Variants in RNF152 observed in about 807,000 individuals in gnomAD.
RNF152 encodes E3 ubiquitin-protein ligase RNF152.
In RNF152, 11 loss-of-function variants were observed where a neutral mutation model predicts 12.7. The observed-to-expected ratio is 0.86, with a 90% confidence interval of 0.54 to 1.43. RNF152 has a LOEUF of 1.43. RNF152 is among the 40% of genes most tolerant of loss of function. RNF152 has a pLI of 0.00. For missense variants in RNF152, 255 were observed against 274.8 expected, an observed-to-expected ratio of 0.93 and a Z score of 0.51; for synonymous variants, 113 against 120.3, an observed-to-expected ratio of 0.94 and a Z score of 0.40.
intron 1 of RNF152, among the ~76,000 whole-genome samples, chr18:61,885,553 C>T (rs985271949): frequency 4.6e-5 from 7 of 152,146 alleles, no homozygotes; most frequent in African/African-American, 1.7e-4. Context: ...AGTAATCCAC[C>T]CGCCTCAGCC....
chr18:61,831,851 C>T (rs1457724852), intron 1 of RNF152, among the ~76,000 whole-genome samples: 1 of 151,772 alleles, frequency 6.6e-6, no homozygotes. Context: ...CAATTTACTT[C>T]CAGAACATTT....
At chr18:61,851,609 T>TA (rs1197124330) in intron 1 of RNF152, among the ~76,000 whole-genome samples, 1 of 152,158 alleles carries the variant, frequency 6.6e-6, no homozygotes, top group East Asian at 1.9e-4. Flanking sequence ...CCCCACACAG[T>TA]AAGTTTCAGA....
intron 1 of RNF152, among the ~76,000 whole-genome samples, chr18:61,833,849 T>C (rs1429592028): frequency 6.6e-6 from 1 of 151,998 alleles, no homozygotes; most frequent in Non-Finnish European, 1.5e-5. Flanking sequence ...CTCTCAATTA[T>C]AGCTACTTTC....
intron 1 of RNF152, among the ~76,000 whole-genome samples, chr18:61,838,631 G>A (rs1000494829): frequency 2.0e-5 from 3 of 152,098 alleles, no homozygotes; most frequent in East Asian, 1.9e-4. Flanking sequence ...AGCCACAGAC[G>A]GTCCCCAGAC....
intron 1 of RNF152, among the ~76,000 whole-genome samples, chr18:61,851,091 A>T (rs891745829): frequency 1.0e-4 from 11 of 107,360 alleles, no homozygotes; most frequent in East Asian, 2.4e-4. Context: ...CACAATGATT[A>T]AAAAAAAAAA....
chr18:61,836,328 A>G (rs1910182471), intron 1 of RNF152, among the ~76,000 whole-genome samples: 1 of 152,092 alleles, frequency 6.6e-6, no homozygotes, highest in Non-Finnish European at 1.5e-5. Flanking sequence ...AAAAAGTGCT[A>G]TAGGCCGAAT....
intron 1 of RNF152, among the ~76,000 whole-genome samples, chr18:61,887,605 C>T (rs1434165747): frequency 6.7e-6 from 1 of 149,470 alleles, no homozygotes; most frequent in Non-Finnish European, 1.5e-5. Context: ...GAGGCTGAGG[C>T]AGGAGAATAG....
chr18:61,824,522 T>C (rs1909571388), intron 1 of RNF152, among the ~76,000 whole-genome samples: 2 of 152,214 alleles, frequency 1.3e-5, no homozygotes, highest in Admixed American at 6.5e-5. Flanking sequence ...ATAAACTACT[T>C]AGAAATTTCT....
intron 1 of RNF152, among the ~76,000 whole-genome samples, chr18:61,865,125 T>A (rs1187327975): frequency 2.6e-5 from 4 of 152,162 alleles, no homozygotes; most frequent in Admixed American, 2.6e-4. Flanking sequence ...AAATGGAGGA[T>A]GAAAACCAAA....
chr18:61,870,311 TG>T (rs1911934680), intron 1 of RNF152, among the ~76,000 whole-genome samples: 1 of 151,838 alleles, frequency 6.6e-6, no homozygotes, highest in South Asian at 2.1e-4. Flanking sequence ...CCTCTGAGGG[TG>T]GGATTGATTA....
intron 1 of RNF152, among the ~76,000 whole-genome samples, chr18:61,875,478 T>C (rs1259440693): frequency 2.0e-5 from 3 of 152,154 alleles, no homozygotes; most frequent in Non-Finnish European, 4.4e-5. Context: ...TTCAGACCTA[T>C]GCCTTTACAT....
chr18:61,870,927 G>A (rs959796675), intron 1 of RNF152, among the ~76,000 whole-genome samples: 6 of 152,088 alleles, frequency 3.9e-5, no homozygotes, highest in Non-Finnish European at 8.8e-5. Context: ...TCTAGATAAT[G>A]TGCTACCTTA....
At chr18:61,837,227 A>G (rs572200549) in intron 1 of RNF152, among the ~76,000 whole-genome samples, 12 of 152,258 alleles carry the variant, frequency 7.9e-5, no homozygotes, top group Non-Finnish European at 1.8e-4. Flanking sequence ...AACAAAAAGC[A>G]ACGAGATTGT....
intron 1 of RNF152, among the ~76,000 whole-genome samples, chr18:61,839,648 C>A (rs899012138): frequency 2.6e-5 from 4 of 152,154 alleles, no homozygotes; most frequent in African/African-American, 9.7e-5. Flanking sequence ...GTAATCCCAG[C>A]ACTTTGGGAG....
In RNF152 at chr18:61,893,004, G is replaced by C. The variant is rs927166100; in HGVS notation, c.-345C>G. On this transcript the variant is annotated 5_prime_UTR_variant, in exon 1 of 2. Coordinates refer to ENST00000312828, the MANE Select transcript of RNF152 (RefSeq NM_173557.3). The stretch of plus-strand genomic sequence containing the variant: ...CCTCCTGGGCAGACGGGGCTGGAGC[G>C]GGTGCACTAGGGAGGTGGAGCAAGG... 1 of 152,552 alleles carries C rather than the reference G, an allele frequency of 6.6e-6. No individual in the cohort carries two copies. The highest frequency in any genetic ancestry group is 2.4e-5 in the African/African-American group (1 of 41,446). The allele number at this position is 152,552 out of a possible 1,614,324, so 9.4% of individuals were successfully genotyped here. A position where few individuals can be genotyped will look rare whatever the true frequency, so the allele number is the denominator to read the frequency against.
chr18:61,842,433 C>G (rs1002677468), intron 1 of RNF152, among the ~76,000 whole-genome samples: 1 of 152,198 alleles, frequency 6.6e-6, no homozygotes, highest in African/African-American at 2.4e-5. Flanking sequence ...ATTGCTGGAA[C>G]AAGGCTGGCA....
chr18:61,828,351 A>G (rs980904725), intron 1 of RNF152, among the ~76,000 whole-genome samples: 2 of 152,214 alleles, frequency 1.3e-5, no homozygotes, highest in African/African-American at 4.8e-5. Flanking sequence ...TCCTTGCCTC[A>G]AGCAATCTTC....
At chr18:61,830,685 A>G (rs572743824) in intron 1 of RNF152, among the ~76,000 whole-genome samples, 2 of 152,288 alleles carry the variant, frequency 1.3e-5, no homozygotes, top group South Asian at 4.1e-4. Context: ...AAAGAGGGGC[A>G]AGGCTGGAAT....
intron 1 of RNF152, among the ~76,000 whole-genome samples, chr18:61,828,054 T>C (rs1909751649): frequency 6.6e-6 from 1 of 152,242 alleles, no homozygotes; most frequent in African/African-American, 2.4e-5. Context: ...AAAATGCACA[T>C]ATGTTCAGTG....
Sources: allele counts gnomAD v4.1 joint callset (sites outside exome capture counted in the v4.1 genomes callset), GRCh38; gene constraint gnomAD v4.1.1; transcripts MANE v1.5; gene names NCBI Gene and HGNC (gene_info 2026-07-23, HGNC 2026-07-21).